The following FILIP1L variants were observed in gnomAD, a reference collection of about 807,000 sequenced individuals.
The protein encoded by FILIP1L is filamin A interacting protein 1 like, also known as filamin A-interacting protein 1-like.
In FILIP1L, 55 loss-of-function variants were observed where a neutral mutation model predicts 96.6. The observed-to-expected ratio is 0.57, with a 90% CI of 0.46 to 0.71. FILIP1L has a LOEUF of 0.71. Ranked by LOEUF, FILIP1L falls within the 30% of genes least tolerant of loss-of-function variation. The pLI, the probability that FILIP1L is intolerant of heterozygous loss-of-function variation, is 0.00. For synonymous variants in FILIP1L, 467 were observed against 473.9 expected, an observed-to-expected ratio of 0.99 and a Z score of 0.19; for missense variants, 1,304 against 1,321.2, an observed-to-expected ratio of 0.99 and a Z score of 0.20.
intron 5 of FILIP1L, among the ~76,000 whole-genome samples, chr3:99,831,344 C>G (rs1186129204): frequency 6.6e-6 from 1 of 152,070 alleles, no homozygotes; most frequent in Non-Finnish European, 1.5e-5. Context: ...GAAAATGCAC[C>G]CATGCTATTG....
intron 4 of FILIP1L, among the ~76,000 whole-genome samples, chr3:99,895,433 G>A (rs1706219334): frequency 6.7e-6 from 1 of 148,566 alleles, no homozygotes. Context: ...TAATATTTGT[G>A]GCTTATTCAA....
chr3:99,914,456 C>T (rs1000897762), intron 4 of FILIP1L, among the ~76,000 whole-genome samples: 6 of 152,068 alleles, frequency 3.9e-5, no homozygotes, highest in African/African-American at 1.4e-4. Context: ...AGAAGTAACA[C>T]ATCTCTAAAC....
At chr3:100,024,089 A>T (rs1030651961) in intron 1 of FILIP1L, among the ~76,000 whole-genome samples, 12 of 152,032 alleles carry the variant, frequency 7.9e-5, no homozygotes, top group African/African-American at 2.9e-4. Flanking sequence ...CACAACTCTA[A>T]CTACATCTTC....
At chr3:99,908,888 G>A (rs1192108078) in intron 4 of FILIP1L, among the ~76,000 whole-genome samples, 1 of 151,960 alleles carries the variant, frequency 6.6e-6, no homozygotes, top group African/African-American at 2.4e-5. Flanking sequence ...GTGTGTGTGT[G>A]TTCTTTCTTT....
rs148024111 is a variant in FILIP1L, at chr3:100,008,793, G to A, written c.-10-77763C>T. On this transcript the variant is annotated intron_variant, in intron 1 of 5. Coordinates refer to ENST00000477258, the MANE Select transcript of FILIP1L (RefSeq NM_001387850.1). ...TCTTGCTCTGGCCCTTGTATTTTGCGTGCAGAAATAGCATAATGTCATCAA... is the reference window on the plus strand; with the variant it reads ...TCTTGCTCTGGCCCTTGTATTTTGCATGCAGAAATAGCATAATGTCATCAA... 5.9e-5 allele frequency among the ~76,000 whole-genome samples: 9 copies of A among 152,080 alleles called. No homozygotes were observed. The South Asian group carries it at 6.2e-4, about 11-fold the overall frequency.
At chr3:99,945,662 C>A (rs1226340470) in intron 1 of FILIP1L, among the ~76,000 whole-genome samples, 1 of 152,164 alleles carries the variant, frequency 6.6e-6, no homozygotes, top group Admixed American at 6.5e-5. Flanking sequence ...AGGTAGAGAG[C>A]CTGCCAAGTC....
chr3:99,990,017 G>A (rs1709465890), intron 1 of FILIP1L, among the ~76,000 whole-genome samples: 1 of 152,128 alleles, frequency 6.6e-6, no homozygotes, highest in Non-Finnish European at 1.5e-5. Flanking sequence ...ATATTAAGAA[G>A]TATGAGTCTT....
At chr3:100,007,875 ATTCTTATAGTCTCT>A (rs1559723225) in intron 1 of FILIP1L, among the ~76,000 whole-genome samples, 1 of 152,146 alleles carries the variant, frequency 6.6e-6, no homozygotes, top group African/African-American at 2.4e-5. Context: ...TAGTGAACAG[ATTCTTATAGTCTCT>A]CACCCACTGG....
At chr3:100,112,165 T>A (rs1453096405) in intron 1 of FILIP1L, among the ~76,000 whole-genome samples, 1 of 152,234 alleles carries the variant, frequency 6.6e-6, no homozygotes, top group Non-Finnish European at 1.5e-5. Flanking sequence ...AGGCACTAGT[T>A]CTACTCTAAG....
intron 1 of FILIP1L, among the ~76,000 whole-genome samples, chr3:99,957,871 A>AGCTGAAATG (rs1708379526): frequency 6.6e-6 from 1 of 150,604 alleles, no homozygotes; most frequent in Admixed American, 6.6e-5. Context: ...GCCTAATAAC[A>AGCTGAAATG]GCTGAAATGT....
intron 1 of FILIP1L, chr3:100,040,149 C>A (rs545193199): frequency 6.6e-6 from 1 of 152,044 alleles, no homozygotes; most frequent in East Asian, 1.9e-4. Context: ...TCTTCCTGCA[C>A]CCACAAAAGC....
chr3:99,999,203 G>A (rs1709772636), intron 1 of FILIP1L, among the ~76,000 whole-genome samples: 1 of 152,158 alleles, frequency 6.6e-6, no homozygotes, highest in Non-Finnish European at 1.5e-5. Context: ...TCTAGGTGAG[G>A]AAGCATATTT....
intron 1 of FILIP1L, among the ~76,000 whole-genome samples, chr3:100,034,599 T>G (rs936759906): frequency 6.6e-6 from 1 of 152,212 alleles, no homozygotes; most frequent in Non-Finnish European, 1.5e-5. Context: ...TAAACATGCT[T>G]CCTTATCAGT....
intron 1 of FILIP1L, among the ~76,000 whole-genome samples, chr3:99,984,418 T>A (rs1246358241): frequency 6.6e-6 from 1 of 152,206 alleles, no homozygotes; most frequent in East Asian, 1.9e-4. Context: ...CACCAGTTAG[T>A]CTGCATTAGC....
chr3:99,848,459 CT>C lies in FILIP1L; in HGVS notation c.3216del (p.Ala1073LeufsTer2). 6.2e-7 allele frequency: 1 copy of C among 1,614,176 alleles called. No individual in the cohort carries two copies. Among genetic ancestry groups the C allele is most frequent in the Non-Finnish European group, 8.5e-7 (1 of 1,180,008 alleles). ...GCAGGTCTCACAGGGCTGGCTACAG[CT>C]TGCATGTAAGGACTTCCTAAGTGAA... is the stretch of plus-strand genomic sequence containing the variant. ...IHIHLGSPYM[Q>X]AVASPVRPAS... On this transcript the variant is annotated frameshift_variant, in exon 5 of 6. Transcript: ENST00000477258. LOFTEE classifies it high-confidence loss of function.
chr3:100,015,243 T>C (rs959350997), intron 1 of FILIP1L, among the ~76,000 whole-genome samples: 10 of 152,134 alleles, frequency 6.6e-5, no homozygotes, highest in African/African-American at 2.2e-4. Context: ...TTATGTTCCC[T>C]TGGATTATAT....
intron 1 of FILIP1L, among the ~76,000 whole-genome samples, chr3:99,993,261 G>A (rs967928063): frequency 6.6e-6 from 1 of 151,842 alleles, no homozygotes; most frequent in Non-Finnish European, 1.5e-5. Context: ...TAATAATATT[G>A]ATTCTTCAAT....
chr3:99,967,924 A>G (rs904273745), intron 1 of FILIP1L, among the ~76,000 whole-genome samples: 1 of 152,224 alleles, frequency 6.6e-6, no homozygotes, highest in Non-Finnish European at 1.5e-5. Context: ...AGATAAGTGC[A>G]ACGGTATGTG....
chr3:100,022,359 A>C (rs1369442228), intron 1 of FILIP1L, among the ~76,000 whole-genome samples: 2 of 152,202 alleles, frequency 1.3e-5, no homozygotes, highest in African/African-American at 4.8e-5. Context: ...TGGCCTGTGC[A>C]TTCATTCTAG....
Sources: gnomAD v4.1 joint callset for allele counts (sites outside exome capture counted in the v4.1 genomes callset) on GRCh38, gnomAD v4.1.1 for gene constraint, MANE v1.5 for transcripts, NCBI Gene and HGNC (gene_info 2026-07-23, HGNC 2026-07-21) for gene names.